INPP1: variants seen among roughly 807,000 people sequenced by gnomAD.
INPP1 encodes the protein inositol polyphosphate-1-phosphatase.
A neutral mutation model predicts 23.0 loss-of-function variants in INPP1; 18 were observed. The ratio of observed to expected loss-of-function variants is 0.78; its 90% CI spans 0.54 to 1.16. The LOEUF (loss-of-function observed/expected upper bound fraction) is 1.16. Ranked by LOEUF, INPP1 falls within the 50% of genes most tolerant of loss-of-function variation. The pLI, the probability that INPP1 is intolerant of heterozygous loss-of-function variation, is 0.00. For missense variants in INPP1, 448 were observed against 482.1 expected (o/e 0.93, Z 0.66); for synonymous variants, 164 against 176.3 (o/e 0.93, Z 0.55).
At chr2:190,347,876 G>A (rs554079980) in intron 1 of INPP1, among the ~76,000 whole-genome samples, 23 of 152,312 alleles carry the variant, frequency 1.5e-4, no homozygotes, top group African/African-American at 4.1e-4. Flanking sequence ...GGTGGCTCAC[G>A]CCTGTAATCC....
chr2:190,358,684 C>T (rs1689474128), intron 2 of INPP1, among the ~76,000 whole-genome samples: 1 of 152,152 alleles, frequency 6.6e-6, no homozygotes, highest in African/African-American at 2.4e-5. Context: ...GTTGATAATA[C>T]AATAATTCTC....
At position 190,355,696 on chromosome 2, in the gene INPP1, T is replaced by C. The variant is rs1689408099; in HGVS notation, c.-64-4343T>C. On this transcript the variant is annotated intron_variant, in intron 2 of 6. Coordinates refer to ENST00000392329, the MANE Select transcript of INPP1 (RefSeq NM_001128928.2). The surrounding 1 kb of genome is among the most constrained non-coding windows in gnomAD (Gnocchi z 5.1). Reference sequence around the variant, plus strand: ...ATTAAATTATGGTAAATGCCATAACTTACTAATCATAAGTCTATAATAATT... The same window carrying C: ...ATTAAATTATGGTAAATGCCATAACCTACTAATCATAAGTCTATAATAATT... Among the ~76,000 whole-genome samples the C allele has an allele frequency of 6.6e-6, 1 of 152,248 alleles. No homozygotes were observed. The highest frequency in any genetic ancestry group is 2.4e-5 in the African/African-American group (1 of 41,464).
At position 190,367,959 on chromosome 2, in the gene INPP1, C is replaced by T. The variant is rs1252794674; in HGVS notation, c.466+1064C>T. 6.6e-6 allele frequency among the ~76,000 whole-genome samples: 1 copy of T among 152,096 alleles called. No individual in the cohort carries two copies. The highest frequency in any genetic ancestry group is 1.5e-5 in the Non-Finnish European group (1 of 68,018). ...CCTTTTTTTTCTTCCCCACCCAACA[C>T]AATGGGACCATTCAAGGACCAGGCA... On this transcript the variant is annotated intron_variant, in intron 5 of 6. Transcript: ENST00000392329. This position sits in a 1 kb window ranked among gnomAD's most constrained non-coding sequence, Gnocchi z 4.1.
chr2:190,365,415 G>GA (rs2124938914), intron 4 of INPP1, among the ~76,000 whole-genome samples: 1 of 152,302 alleles, frequency 6.6e-6, no homozygotes, highest in African/African-American at 2.4e-5. Flanking sequence ...TCGGTGTGTT[G>GA]AAAAACCTCC....
Position 190,366,914 on chromosome 2 carries a change from G to C in INPP1, c.466+19G>C, listed in dbSNP as rs754980866. ...CCCATAGGTAAGTATAGGAAAGTATGTTTGTTCTTATTTGCAATCTTTTTT... is the reference window on the plus strand; with the variant it reads ...CCCATAGGTAAGTATAGGAAAGTATCTTTGTTCTTATTTGCAATCTTTTTT... On this transcript the variant is annotated intron_variant, in intron 5 of 6. Coordinates refer to ENST00000392329, the MANE Select transcript of INPP1 (RefSeq NM_001128928.2). 5.2e-6 allele frequency: 8 copies of C among 1,532,108 alleles called. No homozygotes were observed. The highest frequency in any genetic ancestry group is 1.4e-5 in the African/African-American group (1 of 73,212). The allele number at this position is 1,532,108 out of a possible 1,614,324, so 94.9% of individuals were successfully genotyped here. A position where few individuals can be genotyped will look rare whatever the true frequency, so the allele number is the denominator to read the frequency against.
intron 6 of INPP1, among the ~76,000 whole-genome samples, chr2:190,370,105 T>C (rs775604064): frequency 4.6e-5 from 7 of 152,192 alleles, no homozygotes; most frequent in Non-Finnish European, 1.0e-4. Context: ...TTAAAAAGAA[T>C]TGGAACAATA....
rs1689341324 is a variant in INPP1, at chr2:190,352,395, T to C, written c.-65+3364T>C. On this transcript the variant is annotated intron_variant, in intron 2 of 6. Coordinates refer to ENST00000392329, the MANE Select transcript of INPP1 (RefSeq NM_001128928.2). The surrounding 1 kb of genome is among the most constrained non-coding windows in gnomAD (Gnocchi z 4.7). The stretch of plus-strand genomic sequence containing the variant: ...GTAATATTTATTGGATCCTGAGAAA[T>C]GTTTGACAGTCAAATATCTGAAAGT... Among the ~76,000 whole-genome samples the C allele has an allele frequency of 1.3e-5, 2 of 152,142 alleles. No homozygotes were observed. Among genetic ancestry groups the C allele is most frequent in the African/African-American group, 2.4e-5 (1 of 41,430 alleles).
rs1689585501 is a variant in INPP1, at chr2:190,363,963, C to T, written c.265+1276C>T. Among the ~76,000 whole-genome samples the T allele has an allele frequency of 6.6e-6, 1 of 152,108 alleles. No homozygotes were observed. Among genetic ancestry groups the T allele is most frequent in the African/African-American group, 2.4e-5 (1 of 41,426 alleles). On this transcript the variant is annotated intron_variant, in intron 4 of 6. Coordinates refer to ENST00000392329, the MANE Select transcript of INPP1 (RefSeq NM_001128928.2). This position sits in a 1 kb window ranked among gnomAD's most constrained non-coding sequence, Gnocchi z 4.4. ...ATCATAGGAAGGGATTTAGATTTCC[C>T]TCTCAGTGGGATGGGAGGTCTCTGG...
At chr2:190,349,312 C>A (rs1271065481) in intron 2 of INPP1, among the ~76,000 whole-genome samples, 3 of 152,134 alleles carry the variant, frequency 2.0e-5, no homozygotes, top group Non-Finnish European at 2.9e-5. Context: ...TGGCATGCAC[C>A]TGTAGTCCCA....
intron 4 of INPP1, among the ~76,000 whole-genome samples, chr2:190,366,004 TC>T (rs1422123824): frequency 3.8e-5 from 1 of 26,052 alleles, no homozygotes; most frequent in Non-Finnish European, 6.8e-5. Flanking sequence ...TCTCGCTCTC[TC>T]GCTCTGTCTC....
chr2:190,364,217 C>T (rs1255378287), intron 4 of INPP1, among the ~76,000 whole-genome samples: 1 of 152,192 alleles, frequency 6.6e-6, no homozygotes, highest in Non-Finnish European at 1.5e-5. Flanking sequence ...CTTTACTGGT[C>T]ATGTAATCGC....
intron 1 of INPP1, 89 bp downstream of exon 1, chr2:190,344,050 G>A: frequency 3.1e-6 from 1 of 327,610 alleles, no homozygotes; most frequent in Non-Finnish European, 6.3e-6. Flanking sequence ...GCTGGTGAGC[G>A]GCGCGCGCCG....
At chr2:190,360,018 C>T (rs1575788094) in intron 2 of INPP1, 21 bp from the exon 3 acceptor site, 1 of 1,391,468 alleles carries the variant, frequency 7.2e-7, no homozygotes, top group Non-Finnish European at 1.0e-6. Context: ...CTTTCTCTTT[C>T]ACATTCTTGT....
At chr2:190,362,755 T>C (rs1689560434) in intron 4 of INPP1, 68 bp downstream of exon 4, 2 of 1,025,936 alleles carry the variant, frequency 1.9e-6, no homozygotes, top group Admixed American at 2.4e-5. Context: ...CTCTAGTTTA[T>C]ACCATGAACT....
In INPP1 at chr2:190,368,450, AG is replaced by A. The variant is rs60396519; in HGVS notation, c.467-647del. 2.0e-5 allele frequency among the ~76,000 whole-genome samples: 3 copies of A among 152,098 alleles called. No homozygotes were observed. Among genetic ancestry groups the A allele is most frequent in the Non-Finnish European group, 2.9e-5 (2 of 68,030 alleles). On this transcript the variant is annotated intron_variant, in intron 5 of 6. Transcript: ENST00000392329. This position sits in a 1 kb window ranked among gnomAD's most constrained non-coding sequence, Gnocchi z 4.3. ...AATATTACCTGTGACCTATTACAGG[AG>A]GGGGGCTTTTCTTTTTTTCTTTTCC...
Position 190,352,519 on chromosome 2 carries a change from G to A in INPP1, c.-65+3488G>A, listed in dbSNP as rs139693440. 3.2e-4 allele frequency among the ~76,000 whole-genome samples: 48 copies of A among 152,288 alleles called. No individual in the cohort carries two copies. In the East Asian group the frequency reaches 8.5e-3, roughly 27 times the overall value. ...AAGGCTTGTAGTACAGTTTCCCTCTGGCCTCACAGGAATCTCAGGGGAGGC... is the reference window on the plus strand; with the variant it reads ...AAGGCTTGTAGTACAGTTTCCCTCTAGCCTCACAGGAATCTCAGGGGAGGC... On this transcript the variant is annotated intron_variant, in intron 2 of 6. Transcript: ENST00000392329. This position sits in a 1 kb window ranked among gnomAD's most constrained non-coding sequence, Gnocchi z 4.7.
intron 4 of INPP1, among the ~76,000 whole-genome samples, chr2:190,366,121 C>T (rs1028379670): frequency 2.0e-5 from 3 of 151,578 alleles, no homozygotes; most frequent in Admixed American, 1.3e-4. Flanking sequence ...CTCTCTGTCT[C>T]GCTCTGTCTC....
At chr2:190,366,200 TCTCG>T in intron 4 of INPP1, among the ~76,000 whole-genome samples, 2 of 148,540 alleles carry the variant, frequency 1.3e-5, no homozygotes, top group South Asian at 2.2e-4. Flanking sequence ...TCTTGCTCTG[TCTCG>T]CTCTCTCGCT....
chr2:190,350,929 C>G (rs1689313714), intron 2 of INPP1, among the ~76,000 whole-genome samples: 1 of 152,196 alleles, frequency 6.6e-6, no homozygotes, highest in African/African-American at 2.4e-5. Flanking sequence ...TATTCAGATA[C>G]AGCCTTGGTT....
Sources: gnomAD v4.1 joint callset for allele counts (sites outside exome capture counted in the v4.1 genomes callset) on GRCh38, gnomAD v4.1.1 for gene constraint, Gnocchi (gnomAD v3.1) non-coding constraint, MANE v1.5 for transcripts, NCBI Gene and HGNC (gene_info 2026-07-23, HGNC 2026-07-21) for gene names.